Variants in PTPRT observed in about 807,000 individuals in gnomAD.
PTPRT encodes protein tyrosine phosphatase receptor type T.
A neutral mutation model predicts 176.8 loss-of-function variants in PTPRT; 56 were observed. The observed-to-expected ratio is 0.32, with a 90% CI of 0.26 to 0.40. PTPRT has a LOEUF of 0.40. PTPRT is among the 10% of genes least tolerant of loss of function. The pLI, the probability that PTPRT is intolerant of heterozygous loss-of-function variation, is 1.00. For missense variants in PTPRT, 1,540 were observed against 1,908.2 expected, an observed-to-expected ratio of 0.81 and a Z score of 3.60; for synonymous variants, 783 against 739.0, an observed-to-expected ratio of 1.06 and a Z score of -0.96.
chr20:42,848,638 T>C (rs1415028777), intron 2 of PTPRT, among the ~76,000 whole-genome samples: 8 of 152,224 alleles, frequency 5.3e-5, no homozygotes, highest in Non-Finnish European at 1.0e-4. Flanking sequence ...GAGAATTGTC[T>C]ATTCATGTTC....
In PTPRT at chr20:42,520,809, ATATATATATATATG is replaced by A. The variant is rs373237736; in HGVS notation, c.1154-48261_1154-48248del. ...AGACAGAGCTTGGAAAGACATATAT[ATATATATATATATG>A]TATGTATGGGTGTGTGTGTAGATAG... is the stretch of plus-strand genomic sequence containing the variant. On this transcript the variant is annotated intron_variant, in intron 7 of 30. Transcript: ENST00000373187. Among the ~76,000 whole-genome samples, 932 of 148,526 alleles carry A rather than the reference ATATATATATATATG, an allele frequency of 6.3e-3. 17 individuals are homozygous for A. Among genetic ancestry groups the A allele is most frequent in the African/African-American group, 0.022 (894 of 40,196 alleles).
At chr20:43,083,341 T>TACATATATATATATATAC (rs1176393671) in intron 1 of PTPRT, among the ~76,000 whole-genome samples, 2 of 40,666 alleles carry the variant, frequency 4.9e-5, no homozygotes, top group South Asian at 1.1e-3. Context: ...TATATATATA[T>TACATATATATATATATAC]ATATATATAT....
At chr20:42,858,078 C>T (rs941797983) in intron 2 of PTPRT, among the ~76,000 whole-genome samples, 30 of 152,170 alleles carry the variant, frequency 2.0e-4, no homozygotes, top group African/African-American at 6.5e-4. Flanking sequence ...TTCATGAATA[C>T]GTGTTCCTCT....
chr20:43,133,797 C>G, intron 1 of PTPRT, among the ~76,000 whole-genome samples: 1 of 151,612 alleles, frequency 6.6e-6, no homozygotes, highest in East Asian at 1.9e-4. Context: ...GAAACGCTAG[C>G]CTGCATCAGT....
At chr20:42,367,686 G>A (rs2058533719) in intron 9 of PTPRT, among the ~76,000 whole-genome samples, 2 of 152,164 alleles carry the variant, frequency 1.3e-5, no homozygotes, top group Admixed American at 6.5e-5. Context: ...CAGCCTCACT[G>A]AGAAAGTGAG....
At chr20:42,488,105 G>C (rs1256845221) in intron 7 of PTPRT, among the ~76,000 whole-genome samples, 1 of 152,040 alleles carries the variant, frequency 6.6e-6, no homozygotes, top group Non-Finnish European at 1.5e-5. Context: ...CATTGCATGG[G>C]GTTCTGGGGT....
chr20:43,171,566 G>C (rs924297973), intron 1 of PTPRT, among the ~76,000 whole-genome samples: 11 of 152,220 alleles, frequency 7.2e-5, no homozygotes, highest in African/African-American at 1.9e-4. Context: ...CTCCAAACCA[G>C]AGAAGGGATT....
At chr20:43,050,412 G>C (rs1479601120) in intron 1 of PTPRT, among the ~76,000 whole-genome samples, 1 of 152,212 alleles carries the variant, frequency 6.6e-6, no homozygotes, top group African/African-American at 2.4e-5. Context: ...TAAAGGCCCG[G>C]ATTGGTGCTG....
chr20:42,381,282 A>G (rs1476551384), intron 9 of PTPRT, among the ~76,000 whole-genome samples: 2 of 152,164 alleles, frequency 1.3e-5, no homozygotes, highest in African/African-American at 4.8e-5. Flanking sequence ...GTATGGCCAG[A>G]TGACTTGTAT....
intron 14 of PTPRT, among the ~76,000 whole-genome samples, chr20:42,240,262 T>C (rs1267755780): frequency 6.6e-6 from 1 of 152,218 alleles, no homozygotes; most frequent in East Asian, 1.9e-4. Context: ...CCAATTAAAC[T>C]GCAAAGTCTT....
chr20:42,102,432 G>T, intron 25 of PTPRT, 135 bp from the exon 26 acceptor site: 1 of 958,108 alleles, frequency 1.0e-6, no homozygotes, highest in Non-Finnish European at 1.5e-6. Flanking sequence ...CCTTTCCCGG[G>T]ACCCATTTCT....
At chr20:42,163,906 T>C (rs1989716254) in intron 16 of PTPRT, among the ~76,000 whole-genome samples, 1 of 152,238 alleles carries the variant, frequency 6.6e-6, no homozygotes, top group African/African-American at 2.4e-5. Flanking sequence ...CCAGCTGTCA[T>C]GAATAGCTCT....
intron 1 of PTPRT, among the ~76,000 whole-genome samples, chr20:42,951,935 GGGCCT>G (rs1170864722): frequency 6.6e-6 from 1 of 152,184 alleles, no homozygotes; most frequent in Non-Finnish European, 1.5e-5. Flanking sequence ...GTCAGACATA[GGGCCT>G]GGCCAAGAAA....
intron 1 of PTPRT, among the ~76,000 whole-genome samples, chr20:42,928,207 T>A (rs1172699793): frequency 6.6e-6 from 1 of 152,234 alleles, no homozygotes; most frequent in African/African-American, 2.4e-5. Context: ...AAACAGCTGC[T>A]CCTTCAATGT....
At chr20:42,402,120 A>G (rs1223144507) in intron 9 of PTPRT, among the ~76,000 whole-genome samples, 2 of 152,178 alleles carry the variant, frequency 1.3e-5, no homozygotes, top group Non-Finnish European at 2.9e-5. Context: ...AAGTGAATGA[A>G]GCAAGTTTGC....
chr20:42,740,773 C>T (rs1476327527), intron 6 of PTPRT, among the ~76,000 whole-genome samples: 1 of 152,058 alleles, frequency 6.6e-6, no homozygotes, highest in Admixed American at 6.5e-5. Flanking sequence ...TAAGAGCCTC[C>T]GAGGAAGGAG....
Position 42,945,115 on chromosome 20 carries a change from T to C in PTPRT, c.89-59183A>G, listed in dbSNP as rs556449974. On this transcript the variant is annotated intron_variant, in intron 1 of 30. Coordinates refer to ENST00000373187, the MANE Select transcript of PTPRT (RefSeq NM_007050.6). ...ATTTATATAAAATATGTGATATTTA[T>C]ATATATACTTTATATATTATGTAAA... Among the ~76,000 whole-genome samples the C allele has an allele frequency of 8.7e-5, 13 of 148,802 alleles. No individual in the cohort carries two copies. The East Asian group carries it at 2.1e-3, about 24-fold the overall frequency.
chr20:42,089,042 C>T (rs1984326458), intron 27 of PTPRT, among the ~76,000 whole-genome samples: 1 of 152,096 alleles, frequency 6.6e-6, no homozygotes, highest in Non-Finnish European at 1.5e-5. Context: ...CGCAATGATG[C>T]CTTGCTTTCC....
chr20:42,725,219 G>T (rs2076362297), intron 6 of PTPRT, among the ~76,000 whole-genome samples: 1 of 151,684 alleles, frequency 6.6e-6, no homozygotes, highest in Non-Finnish European at 1.5e-5. Context: ...TAGAGACGGG[G>T]TTTCACCATG....
Sources: gnomAD v4.1 joint callset for allele counts (sites outside exome capture counted in the v4.1 genomes callset) on GRCh38, gnomAD v4.1.1 for gene constraint, MANE v1.5 for transcripts, NCBI Gene and HGNC (gene_info 2026-07-23, HGNC 2026-07-21) for gene names.